USP32: variants seen among roughly 807,000 people sequenced by gnomAD.
The protein encoded by USP32 is ubiquitin carboxyl-terminal hydrolase 32.
In USP32, 59 loss-of-function variants were observed where a neutral mutation model predicts 204.8. The ratio of observed to expected loss-of-function variants is 0.29; its 90% CI spans 0.23 to 0.36. USP32 has a LOEUF of 0.36. USP32 is among the 10% of genes least tolerant of loss of function. USP32 has a pLI of 1.00. For synonymous variants in USP32, 517 were observed against 678.4 expected (o/e 0.76, Z 3.70); for missense variants, 1,160 against 1,946.4 (o/e 0.60, Z 7.60).
At chr17:60,336,819 G>C (rs1369234860) in intron 2 of USP32, among the ~76,000 whole-genome samples, 2 of 152,012 alleles carry the variant, frequency 1.3e-5, no homozygotes, top group Non-Finnish European at 2.9e-5. Flanking sequence ...TCAACATAAT[G>C]TACTAGGGAA....
At chr17:60,256,319 G>A (rs2145727359) in intron 9 of USP32, among the ~76,000 whole-genome samples, 1 of 152,192 alleles carries the variant, frequency 6.6e-6, no homozygotes, top group South Asian at 2.1e-4. Context: ...AGAGGGGTAG[G>A]CAAATCACTA....
chr17:60,364,967 A>G (rs1278842575), intron 1 of USP32, among the ~76,000 whole-genome samples: 1 of 152,244 alleles, frequency 6.6e-6, no homozygotes, highest in African/African-American at 2.4e-5. Flanking sequence ...AAATGATTAC[A>G]AAAAGGTCAG....
rs1232690819 is a variant in USP32 at position 60,226,314 on chromosome 17, T to C, written c.1240-83A>G. 7 of 1,292,694 alleles carry C rather than the reference T, an allele frequency of 5.4e-6. No homozygotes were observed. The South Asian group carries it at 7.3e-5, about 14-fold the overall frequency. The allele number at this position is 1,292,694 out of a possible 1,614,324, so 80.1% of individuals were successfully genotyped here. Reference sequence around the variant, plus strand: ...TCTTCAGAAACAAATCTCACAATTATCTATTTTTTTAAGTCTCCTGTGGTT... The same window carrying C: ...TCTTCAGAAACAAATCTCACAATTACCTATTTTTTTAAGTCTCCTGTGGTT... On this transcript the variant is annotated intron_variant, in intron 12 of 33. Transcript: ENST00000300896.
chr17:60,190,403 G>T (rs1487856815), intron 29 of USP32, among the ~76,000 whole-genome samples, 160 bp downstream of exon 29: 4 of 152,146 alleles, frequency 2.6e-5, no homozygotes, highest in Non-Finnish European at 2.9e-5. Flanking sequence ...AAATGAAAAA[G>T]CTCAAGCAAA....
In USP32 at chr17:60,208,141, C is replaced by T. The variant is rs753750813; in HGVS notation, c.2843G>A (p.Gly948Asp). ...GAGATCACTCAGCTGTTTTTTTAAA[C>T]CTGTGTACTTTTCATCCATATTCAG... is the stretch of plus-strand genomic sequence containing the variant. ...LRLNMDEKYT[G>D]LKKQLSDLCG... Residue 948 changes from glycine (G) to aspartate (D), a missense_variant, in exon 24 of 34, where the codon GGT becomes GAT. Physicochemically the swap from Gly to Asp is moderately conservative, Grantham distance 94. Coordinates refer to ENST00000300896, the MANE Select transcript of USP32 (RefSeq NM_032582.4). 1.2e-6 allele frequency: 2 copies of T among 1,604,012 alleles called. No individual in the cohort carries two copies. The highest frequency in any genetic ancestry group is 1.7e-6 in the Non-Finnish European group (2 of 1,173,900).
rs752407925 is a variant in USP32 at position 60,223,484 on chromosome 17, A to G, written c.1535T>C (p.Ile512Thr). The G allele has an allele frequency of 8.1e-6, 13 of 1,613,994 alleles. No individual in the cohort carries two copies. In the South Asian group the frequency reaches 1.2e-4, roughly 15 times the overall value. The change falls in exon 14 of 34, where the codon ATT (isoleucine) becomes ACT (threonine). Residue 512 changes from isoleucine to threonine, a missense_variant. Coordinates refer to ENST00000300896, the MANE Select transcript of USP32 (RefSeq NM_032582.4). ...TTTCTGAGGGTTAAGGTGCAACAAA[A>G]TATTCCCATTGGCTCCCAGCAAACA... ...NQCLLGANGN[I>T]LLHLNPQKPG...
intron 28 of USP32, among the ~76,000 whole-genome samples, chr17:60,192,592 G>A (rs1373706280): frequency 1.3e-5 from 2 of 151,958 alleles, no homozygotes; most frequent in African/African-American, 2.4e-5. Flanking sequence ...GCATCACCAC[G>A]CCCCGCTAAT....
At chr17:60,184,809 CAAA>C (rs35566339) in intron 30 of USP32, among the ~76,000 whole-genome samples, 1,245 of 78,506 alleles carry the variant, frequency 0.016, 17 homozygotes, top group African/African-American at 0.041. Flanking sequence ...GACCCTGTCT[CAAA>C]AAAAAAAAAA....
chr17:60,366,365 G>A (rs775786927), intron 1 of USP32, among the ~76,000 whole-genome samples: 28 of 152,066 alleles, frequency 1.8e-4, no homozygotes, highest in Admixed American at 5.2e-4. Flanking sequence ...CACTATGTTG[G>A]CCAGGCTGGT....
chr17:60,198,267 G>C lies in USP32; in HGVS notation c.3427C>G (p.Gln1143Glu). 6.2e-7 allele frequency: 1 copy of C among 1,613,980 alleles called. No homozygotes were observed. Among genetic ancestry groups the C allele is most frequent in the Non-Finnish European group, 8.5e-7 (1 of 1,179,922 alleles). Residue 1143 changes from glutamine to glutamate, a missense_variant, in exon 27 of 34, where the codon CAG becomes GAG. By Grantham distance (29) the Gln-to-Glu change is conservative. Coordinates refer to ENST00000300896, the MANE Select transcript of USP32 (RefSeq NM_032582.4). Reference protein sequence around the residue: ...LPPQEASNHAQDCDDSMGYQY... With the variant: ...LPPQEASNHAEDCDDSMGYQY... The stretch of plus-strand genomic sequence containing the variant: ...TGGATCCCCTGAACTCACCAATCCT[G>C]GGCATGATTACTAGCTTCCTGAGGT...
intron 15 of USP32, among the ~76,000 whole-genome samples, chr17:60,220,253 C>G (rs544517978): frequency 6.6e-5 from 10 of 152,010 alleles, no homozygotes; most frequent in Non-Finnish European, 1.5e-4. Context: ...ACACTATTGC[C>G]AGTAATGTGT....
intron 5 of USP32, among the ~76,000 whole-genome samples, chr17:60,280,681 G>T (rs1350237954): frequency 5.3e-5 from 8 of 152,108 alleles, no homozygotes. Context: ...TAAAATAAAT[G>T]TCTACTTATA....
At chr17:60,277,918 CTTT>C (rs11422765) in intron 5 of USP32, among the ~76,000 whole-genome samples, 3 of 132,702 alleles carry the variant, frequency 2.3e-5, no homozygotes, top group Non-Finnish European at 3.2e-5. Context: ...ATAATAGTTC[CTTT>C]TTTTTTTTTT....
At chr17:60,289,259 C>T (rs1424972236) in intron 4 of USP32, among the ~76,000 whole-genome samples, 4 of 152,186 alleles carry the variant, frequency 2.6e-5, no homozygotes, top group African/African-American at 9.7e-5. Flanking sequence ...CTGCCCGCCT[C>T]GGCCTCCCAA....
intron 1 of USP32, among the ~76,000 whole-genome samples, chr17:60,359,358 C>T (rs912141531): frequency 1.3e-5 from 2 of 152,138 alleles, no homozygotes; most frequent in Non-Finnish European, 2.9e-5. Context: ...CCCCAACACC[C>T]AGCAAAGAAC....
At chr17:60,200,855 T>G (rs1411884740) in intron 26 of USP32, among the ~76,000 whole-genome samples, 3 of 152,172 alleles carry the variant, frequency 2.0e-5, no homozygotes, top group Middle Eastern at 3.2e-3. Context: ...AATTCATTTT[T>G]GTTTGTTTGT....
intron 9 of USP32, among the ~76,000 whole-genome samples, chr17:60,260,652 T>C (rs977716709): frequency 6.6e-6 from 1 of 151,996 alleles, no homozygotes; most frequent in Non-Finnish European, 1.5e-5. Flanking sequence ...AACATTTTAC[T>C]AAGTTTATGA....
At chr17:60,370,991 G>A (rs2089429057) in intron 1 of USP32, among the ~76,000 whole-genome samples, 1 of 151,736 alleles carries the variant, frequency 6.6e-6, no homozygotes, top group Non-Finnish European at 1.5e-5. Flanking sequence ...ACTTTGAGAG[G>A]CCAAGGCTGG....
intron 2 of USP32, among the ~76,000 whole-genome samples, chr17:60,325,803 TC>T (rs1347068912): frequency 6.6e-6 from 1 of 151,512 alleles, no homozygotes; most frequent in Non-Finnish European, 1.5e-5. Context: ...GTGGCACATG[TC>T]TGTAGTCCCA....
Sources: allele counts gnomAD v4.1 joint callset (sites outside exome capture counted in the v4.1 genomes callset), GRCh38; gene constraint gnomAD v4.1.1; transcripts MANE v1.5; gene names NCBI Gene and HGNC (gene_info 2026-07-23, HGNC 2026-07-21).